EMP2: variants seen among roughly 807,000 people sequenced by gnomAD.
EMP2 encodes epithelial membrane protein 2.
A neutral mutation model predicts 13.7 loss-of-function variants in EMP2; 19 were observed. The ratio of observed to expected loss-of-function variants is 1.38; its 90% CI spans 0.97 to 2.03. The LOEUF (loss-of-function observed/expected upper bound fraction) is 2.03, where lower values mean the gene tolerates loss of function less well. Ranked by LOEUF, EMP2 falls within the 30% of genes most tolerant of loss-of-function variation. The pLI, the probability that EMP2 is intolerant of heterozygous loss-of-function variation, is 0.00. For missense variants in EMP2, 253 were observed against 220.7 expected (o/e 1.15, Z -0.93); for synonymous variants, 97 against 84.7 (o/e 1.15, Z -0.80).
intron 3 of EMP2, among the ~76,000 whole-genome samples, chr16:10,539,433 G>C (rs2050677114): frequency 6.6e-6 from 1 of 152,134 alleles, no homozygotes; most frequent in African/African-American, 2.4e-5. Flanking sequence ...AAAGGAGTCA[G>C]ACCGGCTCCC....
At chr16:10,559,330 G>A (rs1356314591) in intron 1 of EMP2, among the ~76,000 whole-genome samples, 1 of 152,248 alleles carries the variant, frequency 6.6e-6, no homozygotes, top group African/African-American at 2.4e-5. Context: ...AGGCGTCTGA[G>A]ATGCCATGGG....
chr16:10,537,938 C>T lies in EMP2; in HGVS notation c.306G>A (p.Gln102=), dbSNP rs1472348317. 6.2e-7 allele frequency: 1 copy of T among 1,614,106 alleles called. No individual in the cohort carries two copies. Among genetic ancestry groups the T allele is most frequent in the Non-Finnish European group, 8.5e-7 (1 of 1,180,022 alleles). ...GERFVLTSII[Q]LMSCLCVMIA... Reference sequence around the variant, plus strand: ...CGTTGATGTACTTACATGACATTAGCTGGATGATGGAGGTTAGGACAAACC... The same window carrying T: ...CGTTGATGTACTTACATGACATTAGTTGGATGATGGAGGTTAGGACAAACC... Residue 102 remains glutamine (Q), a synonymous_variant, in exon 4 of 5, where the codon CAG becomes CAA. Transcript: ENST00000359543.
rs1465585783 is a variant in EMP2, at chr16:10,532,071, C to G, written c.*834G>C. 6.5e-6 allele frequency: 1 copy of G among 154,832 alleles called. No individual in the cohort carries two copies. Among genetic ancestry groups the G allele is most frequent in the East Asian group, 1.9e-4 (1 of 5,184 alleles). 9.6% of individuals were successfully genotyped at this position (154,832 alleles called of 1,614,324 possible). A position where few individuals can be genotyped will look rare whatever the true frequency, so the allele number is the denominator to read the frequency against. On this transcript the variant is annotated 3_prime_UTR_variant, in exon 5 of 5. Transcript: ENST00000359543. ...CGATACCCCAGCATTTACGAGGCAGCTCTGCTGACCTGGCCCAGGCACCGT... is the reference window on the plus strand; with the variant it reads ...CGATACCCCAGCATTTACGAGGCAGGTCTGCTGACCTGGCCCAGGCACCGT...
chr16:10,558,137 C>T (rs2050845775), intron 1 of EMP2, among the ~76,000 whole-genome samples: 1 of 151,990 alleles, frequency 6.6e-6, no homozygotes. Flanking sequence ...TCAAGCGATC[C>T]TCCTGCCTCA....
rs994991990 is a variant in EMP2 at position 10,532,635 on chromosome 16, T to C, written c.*270A>G. ...TTTGGATTTGAGCATTGCTGGATTT[T>C]TGCTTGTGTCTTGTTGAGACTTTTG... On this transcript the variant is annotated 3_prime_UTR_variant, in exon 5 of 5. Coordinates refer to ENST00000359543, the MANE Select transcript of EMP2 (RefSeq NM_001424.6). 14 of 226,440 alleles carry C rather than the reference T, an allele frequency of 6.2e-5. No homozygotes were observed. The highest frequency in any genetic ancestry group is 1.0e-4 in the Non-Finnish European group (12 of 117,936). 14.0% of individuals were successfully genotyped at this position (226,440 alleles called of 1,614,324 possible).
At chr16:10,573,019 G>T (rs549228860) in intron 1 of EMP2, among the ~76,000 whole-genome samples, 1 of 152,176 alleles carries the variant, frequency 6.6e-6, no homozygotes, top group Non-Finnish European at 1.5e-5. Flanking sequence ...CACAGTGAAA[G>T]GGAGTGGTCA....
chr16:10,542,888 C>G (rs2050710861), intron 3 of EMP2, among the ~76,000 whole-genome samples: 1 of 152,196 alleles, frequency 6.6e-6, no homozygotes, highest in African/African-American at 2.4e-5. Flanking sequence ...CTCTGTCACC[C>G]AGGGTGGAGC....
At chr16:10,550,574 G>C (rs1460089703) in intron 1 of EMP2, among the ~76,000 whole-genome samples, 1 of 152,178 alleles carries the variant, frequency 6.6e-6, no homozygotes, top group Non-Finnish European at 1.5e-5. Context: ...GATCCCACCA[G>C]GAGGTGCAGT....
chr16:10,549,883 CTTTTTTTTTTT>C (rs59259895), intron 1 of EMP2, among the ~76,000 whole-genome samples: 3 of 112,272 alleles, frequency 2.7e-5, no homozygotes, highest in African/African-American at 4.0e-5. Context: ...TTTTCTTTTT[CTTTTTTTTTTT>C]TTTTTTTTTG....
intron 3 of EMP2, among the ~76,000 whole-genome samples, chr16:10,542,890 G>A (rs1158021507): frequency 6.6e-6 from 1 of 152,216 alleles, no homozygotes; most frequent in Non-Finnish European, 1.5e-5. Flanking sequence ...CTGTCACCCA[G>A]GGTGGAGCGC....
chr16:10,550,986 A>C (rs1158807761), intron 1 of EMP2, among the ~76,000 whole-genome samples: 7 of 151,588 alleles, frequency 4.6e-5, no homozygotes, highest in Non-Finnish European at 8.8e-5. Flanking sequence ...AAAAAAAAAA[A>C]ATTGTAGAAG....
Position 10,531,384 on chromosome 16 carries a change from G to A in EMP2, c.*1521C>T, listed in dbSNP as rs2142163314. The stretch of plus-strand genomic sequence containing the variant: ...GTCTCACTCTGTCACCCAGGCTGGA[G>A]TGCAGTGGCACGGTCTCGGCTCACT... On this transcript the variant is annotated 3_prime_UTR_variant, in exon 5 of 5. Transcript: ENST00000359543. 1 of 152,940 alleles carries A rather than the reference G, an allele frequency of 6.5e-6. No homozygotes were observed. The highest frequency in any genetic ancestry group is 1.9e-4 in the East Asian group (1 of 5,188). The allele number at this position is 152,940 out of a possible 1,614,324, so 9.5% of individuals were successfully genotyped here. A position where few individuals can be genotyped will look rare whatever the true frequency, so the allele number is the denominator to read the frequency against.
At chr16:10,563,022 G>A (rs1293328234) in intron 1 of EMP2, among the ~76,000 whole-genome samples, 1 of 152,136 alleles carries the variant, frequency 6.6e-6, no homozygotes, top group Non-Finnish European at 1.5e-5. Context: ...GGTTGATGTG[G>A]ATTACGTTGC....
intron 1 of EMP2, among the ~76,000 whole-genome samples, chr16:10,559,820 A>T (rs1596378388): frequency 6.6e-6 from 1 of 152,098 alleles, no homozygotes; most frequent in African/African-American, 2.4e-5. Context: ...GATTACAGGC[A>T]CCTGCCACCA....
chr16:10,572,989 G>GAGAAAC (rs2050958177), intron 1 of EMP2, among the ~76,000 whole-genome samples: 1 of 152,208 alleles, frequency 6.6e-6, no homozygotes, highest in Admixed American at 6.5e-5. Context: ...AGTTCTATGA[G>GAGAAAC]AGAAACAGAA....
chr16:10,552,910 G>A (rs1404552384), intron 1 of EMP2, among the ~76,000 whole-genome samples: 2 of 152,194 alleles, frequency 1.3e-5, no homozygotes, highest in Admixed American at 6.5e-5. Context: ...TTCAAGAGAA[G>A]TCAAGTAAGG....
At chr16:10,571,502 C>T (rs13338180) in intron 1 of EMP2, among the ~76,000 whole-genome samples, 44,627 of 151,828 alleles carry the variant, frequency 0.29, 6,821 homozygotes, top group Non-Finnish European at 0.32. Context: ...CCAGGAGATT[C>T]GGAAGGTCAG....
At chr16:10,538,582 C>A (rs1752466067) in intron 3 of EMP2, among the ~76,000 whole-genome samples, 1 of 152,134 alleles carries the variant, frequency 6.6e-6, no homozygotes, top group Non-Finnish European at 1.5e-5. Flanking sequence ...TCACTACTTA[C>A]AAAGAGGAGG....
intron 1 of EMP2, among the ~76,000 whole-genome samples, chr16:10,552,602 G>A (rs4125033): frequency 0.55 from 83,006 of 152,096 alleles, 24,313 homozygotes; most frequent in African/African-American, 0.78. Flanking sequence ...GAATTTAATA[G>A]CATCATTCTG....
Sources: allele counts gnomAD v4.1 joint callset (sites outside exome capture counted in the v4.1 genomes callset), GRCh38; gene constraint gnomAD v4.1.1; transcripts MANE v1.5; gene names NCBI Gene and HGNC (gene_info 2026-07-23, HGNC 2026-07-21).